The following PC variants were observed in gnomAD, a reference collection of about 807,000 sequenced individuals.
PC encodes the protein pyruvate carboxylase, mitochondrial.
Under a neutral mutation model 107.8 loss-of-function variants are expected in PC, and 46 were observed. That is an observed-to-expected ratio of 0.43 (90% CI 0.34 to 0.55). The LOEUF (loss-of-function observed/expected upper bound fraction) is 0.55, where lower values mean the gene tolerates loss of function less well. Among genes scored for constraint, PC ranks in the 20% least tolerant of loss-of-function variants. PC has a pLI of 0.04. For synonymous variants in PC, 662 were observed against 684.7 expected (o/e 0.97, Z 0.52); for missense variants, 1,241 against 1,643.1 (o/e 0.76, Z 4.23).
Position 66,863,784 on chromosome 11 carries a change from C to T in PC, c.1358G>A (p.Arg453Gln). ...MSRALAEFRV[R>Q]GVKTNIAFLQ... ...GCTGCAGCCTCTCACCTTCACACCT[C>T]GGACGCGGAACTCCGCAAGGGCCCT... The change falls in exon 12 of 23, where the codon CGA (arginine) becomes CAA (glutamine). Residue 453 changes from arginine to glutamine, a missense_variant. This residue lies in a region of PC where 1,143 missense variants were observed against 1,551.9 expected (regional missense o/e 0.74). Coordinates refer to ENST00000393960, the MANE Select transcript of PC (RefSeq NM_001040716.2). The T allele has an allele frequency of 3.7e-6, 6 of 1,610,578 alleles. No homozygotes were observed. The highest frequency in any genetic ancestry group is 4.2e-6 in the Non-Finnish European group (5 of 1,178,852).
intron 3 of PC, among the ~76,000 whole-genome samples, chr11:66,911,022 C>T (rs1948320517): frequency 6.6e-6 from 1 of 152,194 alleles, no homozygotes; most frequent in Non-Finnish European, 1.5e-5. Flanking sequence ...TCTGAGCCAT[C>T]TTGTGGAGTT....
chr11:66,919,653 C>T (rs1264201845), intron 3 of PC: 2 of 152,162 alleles, frequency 1.3e-5, no homozygotes, highest in African/African-American at 4.8e-5. Flanking sequence ...AAACAGATAC[C>T]AAGGTTGGGG....
At chr11:66,885,418 G>A (rs976586140) in intron 3 of PC, among the ~76,000 whole-genome samples, 5 of 151,510 alleles carry the variant, frequency 3.3e-5, no homozygotes, top group Non-Finnish European at 7.4e-5. Flanking sequence ...TTGAACCCGG[G>A]AGGCAGAGGT....
intron 3 of PC, among the ~76,000 whole-genome samples, chr11:66,906,835 T>C (rs1161542706): frequency 6.6e-6 from 1 of 152,228 alleles, no homozygotes; most frequent in Non-Finnish European, 1.5e-5. Context: ...CCCTTAGATC[T>C]GAGCAGTGAG....
At chr11:66,920,930 C>T (rs943694638) in intron 3 of PC, among the ~76,000 whole-genome samples, 1 of 151,490 alleles carries the variant, frequency 6.6e-6, no homozygotes, top group Non-Finnish European at 1.5e-5. Flanking sequence ...CCCAGCCACT[C>T]AGGAGGCTGA....
At chr11:66,940,268 G>A (rs756948224) in intron 3 of PC, among the ~76,000 whole-genome samples, 1 of 148,508 alleles carries the variant, frequency 6.7e-6, no homozygotes. Flanking sequence ...GTACAATCTC[G>A]ACTCACTGCA....
chr11:66,954,197 T>G (rs141360231), intron 2 of PC, 52 bp downstream of exon 2: 6 of 151,956 alleles, frequency 3.9e-5, no homozygotes, highest in Admixed American at 3.9e-4. Flanking sequence ...AGAAGTGAGT[T>G]TGGGGTAACA....
chr11:66,903,752 G>GAAAAAAA (rs1175402409), intron 3 of PC, among the ~76,000 whole-genome samples: 8 of 76,190 alleles, frequency 1.1e-4, no homozygotes, highest in African/African-American at 2.2e-4. Context: ...TCCATCTCAG[G>GAAAAAAA]AAAAAAAAAA....
chr11:66,957,199 G>C (rs990361916), intron 1 of PC, among the ~76,000 whole-genome samples: 2 of 152,282 alleles, frequency 1.3e-5, no homozygotes, highest in Non-Finnish European at 2.9e-5. Context: ...TAGGGAGGCA[G>C]ATGGCAGGCA....
intron 1 of PC, chr11:66,957,720 G>A (rs1179992256): frequency 1.3e-5 from 2 of 152,280 alleles, no homozygotes; most frequent in Non-Finnish European, 2.9e-5. Context: ...GGAGAAATAA[G>A]GGGCTGAGCC....
At chr11:66,856,955 G>T (rs530486829) in intron 12 of PC, 1 of 146,896 alleles carries the variant, frequency 6.8e-6, no homozygotes, top group East Asian at 2.0e-4. Flanking sequence ...CGTGGGCGCT[G>T]CAGCGGCCGC....
At position 66,851,300 on chromosome 11, in the gene PC, C is replaced by G; in HGVS notation, c.1983-20G>C. ...CAGAACCTGCAAGGGTGAGAGAGCC[C>G]AGGGCTGAGCCCCACCCCACCTCCC... On this transcript the variant is annotated intron_variant, in intron 16 of 22. Coordinates refer to ENST00000393960, the MANE Select transcript of PC (RefSeq NM_001040716.2). 6.3e-7 allele frequency: 1 copy of G among 1,599,672 alleles called. No individual in the cohort carries two copies. The highest frequency in any genetic ancestry group is 1.1e-5 in the South Asian group (1 of 91,050).
At position 66,871,504 on chromosome 11, in the gene PC, G is replaced by GA; in HGVS notation, c.322-25dup. ...TCCTGCAGGTGGGGGTCAGGGAGAG[G>GA]ACGGTACCTTGCAGTCCCTTCCAAG... On this transcript the variant is annotated intron_variant, in intron 5 of 22. Coordinates refer to ENST00000393960, the MANE Select transcript of PC (RefSeq NM_001040716.2). The surrounding 1 kb of genome is among the most constrained non-coding windows in gnomAD (Gnocchi z 7.4). 1.2e-6 allele frequency: 2 copies of GA among 1,612,852 alleles called. No individual in the cohort carries two copies. Among genetic ancestry groups the GA allele is most frequent in the South Asian group, 2.2e-5 (2 of 91,088 alleles).
At chr11:66,903,828 T>A (rs1324658946) in intron 3 of PC, among the ~76,000 whole-genome samples, 2 of 138,128 alleles carry the variant, frequency 1.4e-5, no homozygotes, top group East Asian at 2.0e-4. Flanking sequence ...ATATATACAT[T>A]TTTTTTTTTT....
At position 66,863,843 on chromosome 11, in the gene PC, G is replaced by C. The variant is rs763937652; in HGVS notation, c.1299C>G (p.Gly433=). 1.2e-6 allele frequency: 2 copies of C among 1,614,006 alleles called. No individual in the cohort carries two copies. The highest frequency in any genetic ancestry group is 3.3e-5 in the Admixed American group (2 of 60,036). The part of the protein sequence containing the change: ...DSLLVKVIAH[G]KDHPTAATKM... Reference sequence around the variant, plus strand: ...TGGTGGCGGCCGTGGGGTGGTCTTTGCCGTGGGCAATGACTTTGACCAGCA... The same window carrying C: ...TGGTGGCGGCCGTGGGGTGGTCTTTCCCGTGGGCAATGACTTTGACCAGCA... Residue 433 remains glycine, a synonymous_variant, in exon 12 of 23, where the codon GGC becomes GGG. Transcript: ENST00000393960.
chr11:66,849,978 C>G lies in PC; in HGVS notation c.2857G>C (p.Gly953Arg), dbSNP rs755331915. ...SVVEFLQGYI[G>R]VPHGGFPEPF... ...TCGGGGAACCCCCCATGGGGGACAC[C>G]GATGTAGCCCTGCAGGAACTCCACC... Residue 953 changes from glycine (G) to arginine (R), a missense_variant, in exon 20 of 23, where the codon GGT (glycine) becomes CGT (arginine). By Grantham distance (125) the Gly-to-Arg change is moderately radical (BLOSUM62 -2). This residue lies in a region of PC where 1,143 missense variants were observed against 1,551.9 expected (regional missense o/e 0.74). Coordinates refer to ENST00000393960, the MANE Select transcript of PC (RefSeq NM_001040716.2). 1 of 1,613,606 alleles carries G rather than the reference C, an allele frequency of 6.2e-7. No individual in the cohort carries two copies. Among genetic ancestry groups the G allele is most frequent in the Non-Finnish European group, 8.5e-7 (1 of 1,180,026 alleles).
chr11:66,933,633 C>T (rs1434380026), intron 3 of PC, among the ~76,000 whole-genome samples: 1 of 152,146 alleles, frequency 6.6e-6, no homozygotes. Context: ...TCCCTCCCTC[C>T]ACTTGGCCCC....
At chr11:66,867,546 C>T (rs2135923373) in intron 10 of PC, among the ~76,000 whole-genome samples, 1 of 152,144 alleles carries the variant, frequency 6.6e-6, no homozygotes, top group East Asian at 1.9e-4. Context: ...CCAGGCTGCA[C>T]TCCTCCCATG....
At chr11:66,932,828 G>C (rs1348892709) in intron 3 of PC, among the ~76,000 whole-genome samples, 2 of 152,170 alleles carry the variant, frequency 1.3e-5, no homozygotes, top group Non-Finnish European at 2.9e-5. Context: ...TATGTCCCCT[G>C]TTGGCAGCAA....
Sources: allele counts gnomAD v4.1 joint callset (sites outside exome capture counted in the v4.1 genomes callset), GRCh38; gene constraint gnomAD v4.1.1; regional missense constraint gnomAD v4.1.1; non-coding constraint Gnocchi (gnomAD v3.1); transcripts MANE v1.5; gene names NCBI Gene and HGNC (gene_info 2026-07-23, HGNC 2026-07-21).